The following SORCS1 variants were observed in gnomAD, a reference collection of about 807,000 sequenced individuals.
The protein encoded by SORCS1 is sortilin related VPS10 domain containing receptor 1.
A neutral mutation model predicts 146.1 loss-of-function variants in SORCS1; 60 were observed. The ratio of observed to expected loss-of-function variants is 0.41; its 90% CI spans 0.33 to 0.51. The LOEUF (loss-of-function observed/expected upper bound fraction) is 0.51, where lower values mean the gene tolerates loss of function less well. SORCS1 is among the 20% of genes least tolerant of loss of function. SORCS1 has a pLI of 0.21. For synonymous variants in SORCS1, 637 were observed against 584.0 expected, an observed-to-expected ratio of 1.09 and a Z score of -1.31; for missense variants, 1,352 against 1,487.6, an observed-to-expected ratio of 0.91 and a Z score of 1.50.
chr10:106,794,660 G>C (rs1399597367), intron 3 of SORCS1, among the ~76,000 whole-genome samples: 1 of 151,794 alleles, frequency 6.6e-6, no homozygotes, highest in East Asian at 1.9e-4. Context: ...CCGCCACCAC[G>C]CCCGGCTAAT....
chr10:107,000,319 G>A (rs994156094), intron 1 of SORCS1, among the ~76,000 whole-genome samples: 7 of 152,024 alleles, frequency 4.6e-5, no homozygotes, highest in Non-Finnish European at 1.0e-4. Flanking sequence ...AGTCCATTTG[G>A]CTGGGCACAA....
chr10:106,850,368 C>T (rs1408992997), intron 2 of SORCS1, among the ~76,000 whole-genome samples: 5 of 152,004 alleles, frequency 3.3e-5, no homozygotes, highest in African/African-American at 9.7e-5. Flanking sequence ...TCCGTCACCC[C>T]TTTCTTTGAC....
Position 106,629,281 on chromosome 10 carries a change from G to A in SORCS1, c.2583C>T (p.Asn861=), listed in dbSNP as rs764843779. The part of the protein sequence containing the change: ...MEDGIKHVYQ[N]VGIFRVTVQV... Reference sequence around the variant, plus strand: ...GCACGGTCACACGGAAAATGCCCACGTTCTGATAGACGTGTTTGATCCCAT... The same window carrying A: ...GCACGGTCACACGGAAAATGCCCACATTCTGATAGACGTGTTTGATCCCAT... Residue 861 remains asparagine (N), a synonymous_variant, in exon 19 of 26, where the codon AAC becomes AAT. Coordinates refer to ENST00000263054, the MANE Select transcript of SORCS1 (RefSeq NM_052918.5). The A allele has an allele frequency of 2.7e-5, 44 of 1,613,998 alleles. No homozygotes were observed. Among genetic ancestry groups the A allele is most frequent in the Non-Finnish European group, 3.2e-5 (38 of 1,180,012 alleles).
At chr10:107,086,087 G>A (rs954227815) in intron 1 of SORCS1, among the ~76,000 whole-genome samples, 11 of 152,186 alleles carry the variant, frequency 7.2e-5, no homozygotes, top group African/African-American at 2.4e-4. Context: ...GAGAATTCGG[G>A]CACTGGAGAA....
At position 107,027,020 on chromosome 10, in the gene SORCS1, GTA is replaced by G. The variant is rs980967771; in HGVS notation, c.559-70442_559-70441del. Among the ~76,000 whole-genome samples the G allele has an allele frequency of 3.1e-3, 378 of 120,618 alleles. 2 individuals carry two copies. Among genetic ancestry groups the G allele is most frequent in the African/African-American group, 8.7e-3 (278 of 31,846 alleles). The allele number at this position is 120,618 out of a possible 152,430, so 79.1% of individuals were successfully genotyped here. A position where few individuals can be genotyped will look rare whatever the true frequency, so the allele number is the denominator to read the frequency against. ...GTGCTTGACTATCAGGGGTATATGTGTATATATATATATAAAAATATATATAT... is the reference window on the plus strand; with the variant it reads ...GTGCTTGACTATCAGGGGTATATGTGTATATATATATAAAAATATATATAT... On this transcript the variant is annotated intron_variant, in intron 1 of 25. Coordinates refer to ENST00000263054, the MANE Select transcript of SORCS1 (RefSeq NM_052918.5).
At chr10:106,578,710 A>G (rs1284181190) in intron 25 of SORCS1, 1 of 1,085,754 alleles carries the variant, frequency 9.2e-7, no homozygotes, top group Non-Finnish European at 1.1e-6. Context: ...AATACATACC[A>G]TGTCCTGCAA....
chr10:107,129,856 A>G (rs549056261), intron 1 of SORCS1, among the ~76,000 whole-genome samples: 1 of 152,184 alleles, frequency 6.6e-6, no homozygotes, highest in Non-Finnish European at 1.5e-5. Flanking sequence ...GTGAGAGACC[A>G]TTGATCATTT....
chr10:106,671,084 C>T (rs1317007966), intron 16 of SORCS1, among the ~76,000 whole-genome samples, 153 bp downstream of exon 16: 1 of 152,174 alleles, frequency 6.6e-6, no homozygotes, highest in Admixed American at 6.5e-5. Flanking sequence ...TACACATACA[C>T]ATAGCTAGTA....
intron 2 of SORCS1, among the ~76,000 whole-genome samples, chr10:106,854,738 A>G (rs147384255): frequency 1.6e-3 from 237 of 152,240 alleles, no homozygotes; most frequent in African/African-American, 5.6e-3. Flanking sequence ...ACTCTGTCAT[A>G]ACAACTTATT....
At chr10:106,952,803 C>T (rs1191171029) in intron 2 of SORCS1, among the ~76,000 whole-genome samples, 1 of 151,152 alleles carries the variant, frequency 6.6e-6, no homozygotes, top group South Asian at 2.1e-4. Context: ...AAGTGGGACC[C>T]TGTCTCTATC....
chr10:107,115,505 G>GA (rs773775057), intron 1 of SORCS1, among the ~76,000 whole-genome samples: 6 of 151,814 alleles, frequency 4.0e-5, no homozygotes, highest in South Asian at 2.1e-4. Flanking sequence ...ACGGTGAGGG[G>GA]AAAAAATCAC....
chr10:107,035,599 T>C (rs928055927), intron 1 of SORCS1, among the ~76,000 whole-genome samples: 12 of 152,156 alleles, frequency 7.9e-5, no homozygotes, highest in South Asian at 2.1e-4. Flanking sequence ...TTTCTACAGA[T>C]GAGGCATAGG....
At chr10:106,899,936 G>A (rs566191717) in intron 2 of SORCS1, among the ~76,000 whole-genome samples, 38 of 151,538 alleles carry the variant, frequency 2.5e-4, no homozygotes, top group African/African-American at 8.0e-4. Flanking sequence ...TATTATATAC[G>A]TATATGTATG....
intron 5 of SORCS1, among the ~76,000 whole-genome samples, chr10:106,740,435 C>T (rs1325949793): frequency 2.6e-5 from 4 of 151,844 alleles, no homozygotes; most frequent in African/African-American, 9.7e-5. Context: ...ACTACAAATG[C>T]TAGGTGTAGT....
At chr10:106,764,347 C>T (rs984122619) in intron 4 of SORCS1, among the ~76,000 whole-genome samples, 1 of 152,196 alleles carries the variant, frequency 6.6e-6, no homozygotes, top group Admixed American at 6.5e-5. Flanking sequence ...ATTAAACCTA[C>T]AGAGTCTGGA....
intron 2 of SORCS1, among the ~76,000 whole-genome samples, chr10:106,878,623 T>TAC (rs1950686848): frequency 2.6e-5 from 1 of 38,016 alleles, no homozygotes; most frequent in Non-Finnish European, 7.7e-5. Context: ...CTACCTAGTA[T>TAC]ATATATATAT....
At chr10:107,028,927 AG>A (rs1301025456) in intron 1 of SORCS1, among the ~76,000 whole-genome samples, 1 of 152,212 alleles carries the variant, frequency 6.6e-6, no homozygotes, top group Non-Finnish European at 1.5e-5. Context: ...AAAATGAATC[AG>A]TTGGACTAGA....
intron 1 of SORCS1, among the ~76,000 whole-genome samples, chr10:107,033,010 T>C (rs1958732084): frequency 6.6e-6 from 1 of 152,152 alleles, no homozygotes; most frequent in South Asian, 2.1e-4. Flanking sequence ...CTCACACTGC[T>C]ATAAAGAACT....
In SORCS1 at chr10:106,575,265, G is replaced by A. The variant is rs148159448; in HGVS notation, c.*2155C>T. The A allele has an allele frequency of 2.6e-5, 4 of 152,418 alleles. No homozygotes were observed. The highest frequency in any genetic ancestry group is 4.4e-5 in the Non-Finnish European group (3 of 68,028). 9.4% of individuals were successfully genotyped at this position (152,418 alleles called of 1,614,324 possible). A position where few individuals can be genotyped will look rare whatever the true frequency, so the allele number is the denominator to read the frequency against. ...TGCCTCAGGCCTAGCCCATTTCCCA[G>A]ATTCATATGGGGTATCCTCAACCAT... On this transcript the variant is annotated 3_prime_UTR_variant, in exon 26 of 26. Coordinates refer to ENST00000263054, the MANE Select transcript of SORCS1 (RefSeq NM_052918.5).
Sources: allele counts gnomAD v4.1 joint callset (sites outside exome capture counted in the v4.1 genomes callset), GRCh38; gene constraint gnomAD v4.1.1; transcripts MANE v1.5; gene names NCBI Gene and HGNC (gene_info 2026-07-23, HGNC 2026-07-21).